SPSB4: variants seen among roughly 807,000 people sequenced by gnomAD.
SPSB4 encodes splA/ryanodine receptor domain and SOCS box containing 4, also known as SPRY domain-containing SOCS box protein 4.
Under a neutral mutation model 20.9 loss-of-function variants are expected in SPSB4, and 21 were observed. That is an observed-to-expected ratio of 1.01 (90% CI 0.71 to 1.45). The LOEUF (loss-of-function observed/expected upper bound fraction) is 1.45. Ranked by LOEUF, SPSB4 falls within the 40% of genes most tolerant of loss-of-function variation. The pLI is 0.00. For missense variants in SPSB4, 399 were observed against 399.2 expected, an observed-to-expected ratio of 1.00 and a Z score of 0.00; for synonymous variants, 207 against 183.8, an observed-to-expected ratio of 1.13 and a Z score of -1.02.
intron 2 of SPSB4, among the ~76,000 whole-genome samples, chr3:141,112,031 C>T (rs905040097): frequency 3.9e-5 from 6 of 152,162 alleles, no homozygotes; most frequent in Non-Finnish European, 5.9e-5. Context: ...GGAGAAAACC[C>T]GCCCTTCTCC....
intron 2 of SPSB4, among the ~76,000 whole-genome samples, chr3:141,113,491 A>G (rs1002097947): frequency 2.6e-5 from 4 of 152,270 alleles, no homozygotes; most frequent in African/African-American, 9.6e-5. Context: ...ATGCTACAAC[A>G]TCAATGAACT....
At chr3:141,146,996 A>T in intron 2 of SPSB4, 146 bp from the exon 3 acceptor site, 1 of 1,098,856 alleles carries the variant, frequency 9.1e-7, no homozygotes, top group South Asian at 1.6e-5. Flanking sequence ...AGCTTATGTA[A>T]CCAGAGAAAT....
At chr3:141,092,826 C>T (rs1938480908) in intron 2 of SPSB4, among the ~76,000 whole-genome samples, 1 of 152,252 alleles carries the variant, frequency 6.6e-6, no homozygotes, top group Non-Finnish European at 1.5e-5. Flanking sequence ...TTCCTCACAC[C>T]TGTGCTGCTG....
At position 141,088,503 on chromosome 3, in the gene SPSB4, A is replaced by C. The variant is rs142353476; in HGVS notation, c.694+21705A>C. The stretch of plus-strand genomic sequence containing the variant: ...CCACATCCTCTCAGCTCAACTGGTT[A>C]GGTACTGCTGTGGGCATCAGTCAGT... On this transcript the variant is annotated intron_variant, in intron 2 of 2. Coordinates refer to ENST00000310546, the MANE Select transcript of SPSB4 (RefSeq NM_080862.3). Among the ~76,000 whole-genome samples the C allele has an allele frequency of 3.0e-3, 453 of 152,356 alleles. 10 individuals carry two copies. The highest frequency in any genetic ancestry group is 0.016 in the East Asian group (83 of 5,178).
chr3:141,120,046 G>A (rs981843514), intron 2 of SPSB4, among the ~76,000 whole-genome samples: 1 of 152,074 alleles, frequency 6.6e-6, no homozygotes, highest in Non-Finnish European at 1.5e-5. Flanking sequence ...CCTCTTGTGG[G>A]CATTTAGTGC....
At chr3:141,113,718 A>G (rs1351077774) in intron 2 of SPSB4, among the ~76,000 whole-genome samples, 1 of 152,224 alleles carries the variant, frequency 6.6e-6, no homozygotes, top group Non-Finnish European at 1.5e-5. Flanking sequence ...TTTGGAAGTG[A>G]TAAAAATGGT....
At chr3:141,106,543 G>C (rs1312138545) in intron 2 of SPSB4, among the ~76,000 whole-genome samples, 3 of 152,234 alleles carry the variant, frequency 2.0e-5, no homozygotes, top group Non-Finnish European at 4.4e-5. Flanking sequence ...TCAGGGTCTA[G>C]GATGGGCTTA....
intron 2 of SPSB4, among the ~76,000 whole-genome samples, chr3:141,142,748 G>A (rs908804776): frequency 7.1e-6 from 1 of 140,054 alleles, no homozygotes; most frequent in Non-Finnish European, 1.5e-5. Context: ...ATTTAGGATT[G>A]TGATATTTTC....
intron 2 of SPSB4, among the ~76,000 whole-genome samples, chr3:141,100,823 C>T (rs142054522): frequency 2.0e-5 from 3 of 152,034 alleles, no homozygotes; most frequent in Non-Finnish European, 2.9e-5. Flanking sequence ...TGGTAGCCCT[C>T]GGTATGGGCA....
intron 2 of SPSB4, among the ~76,000 whole-genome samples, chr3:141,124,631 A>C (rs936950257): frequency 1.3e-5 from 2 of 152,176 alleles, no homozygotes; most frequent in African/African-American, 4.8e-5. Context: ...TAGGACGTGG[A>C]CATGAAAGCA....
At chr3:141,058,984 C>G (rs1224034598) in intron 1 of SPSB4, among the ~76,000 whole-genome samples, 1 of 152,128 alleles carries the variant, frequency 6.6e-6, no homozygotes, top group African/African-American at 2.4e-5. Context: ...TGTGTTCTGC[C>G]CCATGTTCAA....
chr3:141,114,089 A>G (rs930099499), intron 2 of SPSB4, among the ~76,000 whole-genome samples: 1 of 152,216 alleles, frequency 6.6e-6, no homozygotes, highest in Non-Finnish European at 1.5e-5. Context: ...CTCTGTCTCA[A>G]AAACATAAAA....
chr3:141,078,572 C>A (rs550396970), intron 2 of SPSB4, among the ~76,000 whole-genome samples: 1 of 152,318 alleles, frequency 6.6e-6, no homozygotes, highest in Admixed American at 6.5e-5. Context: ...AACTCTGCCA[C>A]AAAGGAAAGG....
chr3:141,094,422 C>T (rs1420932699), intron 2 of SPSB4, among the ~76,000 whole-genome samples: 1 of 152,100 alleles, frequency 6.6e-6, no homozygotes, highest in Non-Finnish European at 1.5e-5. Context: ...TCCAGGTGAC[C>T]ACGGGGAGAT....
chr3:141,146,965 T>C (rs552765741), intron 2 of SPSB4, among the ~76,000 whole-genome samples, 177 bp from the exon 3 acceptor site: 34 of 152,318 alleles, frequency 2.2e-4, no homozygotes, highest in African/African-American at 8.2e-4. Flanking sequence ...CACAGTCTAA[T>C]GAACACTCCT....
chr3:141,090,928 G>T (rs781746423), intron 2 of SPSB4, among the ~76,000 whole-genome samples: 3 of 152,184 alleles, frequency 2.0e-5, no homozygotes, highest in Non-Finnish European at 4.4e-5. Context: ...GTAGTTGGAT[G>T]CTGGATTTAT....
chr3:141,113,102 A>G (rs1200468666), intron 2 of SPSB4, among the ~76,000 whole-genome samples: 1 of 152,206 alleles, frequency 6.6e-6, no homozygotes, highest in Non-Finnish European at 1.5e-5. Flanking sequence ...ATGCCACTTC[A>G]TACCCACTAG....
At chr3:141,116,765 TATA>T (rs1190822625) in intron 2 of SPSB4, among the ~76,000 whole-genome samples, 1 of 152,220 alleles carries the variant, frequency 6.6e-6, no homozygotes, top group Non-Finnish European at 1.5e-5. Context: ...TTACTACAAC[TATA>T]ATGTTACTAT....
At chr3:141,086,930 C>G (rs1474041305) in intron 2 of SPSB4, among the ~76,000 whole-genome samples, 1 of 152,194 alleles carries the variant, frequency 6.6e-6, no homozygotes, top group Non-Finnish European at 1.5e-5. Flanking sequence ...AGTTGATCTC[C>G]TGGGTCAGCT....
Sources: gnomAD v4.1 joint callset for allele counts (sites outside exome capture counted in the v4.1 genomes callset) on GRCh38, gnomAD v4.1.1 for gene constraint, MANE v1.5 for transcripts, NCBI Gene and HGNC (gene_info 2026-07-23, HGNC 2026-07-21) for gene names.